CAMKMT: variants seen among roughly 807,000 people sequenced by gnomAD.
CAMKMT encodes the protein calmodulin-lysine N-methyltransferase, also known as CaM KMT.
In CAMKMT, 53 loss-of-function variants were observed where a neutral mutation model predicts 48.0. That is an observed-to-expected ratio of 1.10 (90% CI 0.89 to 1.39). The LOEUF (loss-of-function observed/expected upper bound fraction) is 1.39, where lower values mean the gene tolerates loss of function less well. CAMKMT is among the 40% of genes most tolerant of loss of function. CAMKMT has a pLI of 0.00. For synonymous variants in CAMKMT, 165 were observed against 152.3 expected (o/e 1.08, Z -0.61); for missense variants, 428 against 402.7 (o/e 1.06, Z -0.54).
At chr2:44,710,150 T>C (rs1677803745) in intron 6 of CAMKMT, among the ~76,000 whole-genome samples, 1 of 152,038 alleles carries the variant, frequency 6.6e-6, no homozygotes, top group Admixed American at 6.6e-5. Flanking sequence ...TTTAATTTTA[T>C]ATTATTTCTA....
chr2:44,708,782 C>T (rs1181539881), intron 6 of CAMKMT, among the ~76,000 whole-genome samples: 1 of 152,076 alleles, frequency 6.6e-6, no homozygotes, highest in Non-Finnish European at 1.5e-5. Flanking sequence ...CAAGAGGAAG[C>T]TCAGGTATGC....
At chr2:44,488,113 A>G (rs1669297147) in intron 3 of CAMKMT, among the ~76,000 whole-genome samples, 1 of 152,254 alleles carries the variant, frequency 6.6e-6, no homozygotes, top group Non-Finnish European at 1.5e-5. Flanking sequence ...TCTCATACCA[A>G]TATCAATGAC....
At chr2:44,738,614 G>C (rs190471989) in intron 7 of CAMKMT, among the ~76,000 whole-genome samples, 1 of 152,304 alleles carries the variant, frequency 6.6e-6, no homozygotes, top group Non-Finnish European at 1.5e-5. Context: ...GACTATTCTA[G>C]ACATTGGAAA....
At chr2:44,726,730 C>G (rs1678808217) in intron 7 of CAMKMT, among the ~76,000 whole-genome samples, 1 of 152,148 alleles carries the variant, frequency 6.6e-6, no homozygotes, top group African/African-American at 2.4e-5. Context: ...AGGTTGTCTT[C>G]CAGGATTTTT....
At chr2:44,489,740 A>T (rs1395399440) in intron 3 of CAMKMT, among the ~76,000 whole-genome samples, 1 of 152,240 alleles carries the variant, frequency 6.6e-6, no homozygotes, top group African/African-American at 2.4e-5. Context: ...GTAACATATT[A>T]GAAAAATTGG....
intron 3 of CAMKMT, among the ~76,000 whole-genome samples, chr2:44,578,120 A>G (rs1669337662): frequency 6.6e-6 from 1 of 152,180 alleles, no homozygotes; most frequent in African/African-American, 2.4e-5. Context: ...AAGGGCCCAC[A>G]TGAGAGCTCA....
At chr2:44,404,725 C>T (rs1682661026) in intron 3 of CAMKMT, among the ~76,000 whole-genome samples, 1 of 151,948 alleles carries the variant, frequency 6.6e-6, no homozygotes, top group African/African-American at 2.4e-5. Flanking sequence ...GTGCCTGTCT[C>T]GATATTGTTC....
chr2:44,548,465 C>A (rs931620743), intron 3 of CAMKMT, among the ~76,000 whole-genome samples: 1 of 152,106 alleles, frequency 6.6e-6, no homozygotes, highest in Non-Finnish European at 1.5e-5. Context: ...CTAAAATGGC[C>A]CCCAAGATTC....
intron 3 of CAMKMT, among the ~76,000 whole-genome samples, chr2:44,493,077 A>G (rs1208021798): frequency 6.6e-6 from 1 of 151,780 alleles, no homozygotes. Flanking sequence ...TAATTTTTTT[A>G]GCAGAGACGG....
chr2:44,714,932 AC>A (rs1678090697), intron 6 of CAMKMT, among the ~76,000 whole-genome samples: 1 of 152,186 alleles, frequency 6.6e-6, no homozygotes, highest in African/African-American at 2.4e-5. Flanking sequence ...AGTGGCTCAC[AC>A]CTGTAATCCC....
intron 10 of CAMKMT, among the ~76,000 whole-genome samples, chr2:44,768,361 A>ATATATATT (rs35058824): frequency 2.5e-4 from 29 of 115,728 alleles, no homozygotes; most frequent in African/African-American, 9.6e-4. Flanking sequence ...ATATATATAT[A>ATATATATT]TTTTTTTTTT....
At chr2:44,587,651 T>G (rs1313751776) in intron 3 of CAMKMT, among the ~76,000 whole-genome samples, 5 of 119,270 alleles carry the variant, frequency 4.2e-5, no homozygotes, top group Non-Finnish European at 5.5e-5. Flanking sequence ...GGTTTTCCTT[T>G]TTTTTTTTTG....
At chr2:44,656,706 C>G (rs968507885) in intron 3 of CAMKMT, among the ~76,000 whole-genome samples, 1 of 152,008 alleles carries the variant, frequency 6.6e-6, no homozygotes, top group Admixed American at 6.6e-5. Flanking sequence ...CCCCCCCACC[C>G]CACCTTTTTT....
intron 2 of CAMKMT, among the ~76,000 whole-genome samples, chr2:44,386,733 C>G (rs112219233): frequency 1.3e-5 from 2 of 151,974 alleles, no homozygotes; most frequent in African/African-American, 4.8e-5. Context: ...TCATTCAGTT[C>G]GAAGAATTTT....
chr2:44,395,297 A>G (rs1446845467), intron 3 of CAMKMT, among the ~76,000 whole-genome samples: 2 of 152,180 alleles, frequency 1.3e-5, no homozygotes, highest in South Asian at 2.1e-4. Flanking sequence ...TATATAATGC[A>G]TATATGTAGC....
chr2:44,712,204 A>G (rs554621371), intron 6 of CAMKMT, among the ~76,000 whole-genome samples: 1 of 152,222 alleles, frequency 6.6e-6, no homozygotes, highest in Admixed American at 6.5e-5. Context: ...AATAGGGTTT[A>G]TATTATAATC....
intron 3 of CAMKMT, among the ~76,000 whole-genome samples, chr2:44,402,146 G>A (rs1018667114): frequency 1.3e-5 from 2 of 152,034 alleles, no homozygotes; most frequent in African/African-American, 2.4e-5. Flanking sequence ...GGCCAACATG[G>A]TGAAACCCCG....
chr2:44,772,317 T>C lies in CAMKMT; in HGVS notation c.*204T>C. The stretch of plus-strand genomic sequence containing the variant: ...CTCCCCGCCTCTTTTTACACTCTGC[T>C]TGTTGCTCGTCCTGCCCTAAACCTT... On this transcript the variant is annotated 3_prime_UTR_variant, in exon 11 of 11. Coordinates refer to ENST00000378494, the MANE Select transcript of CAMKMT (RefSeq NM_024766.5). 1 of 512,252 alleles carries C rather than the reference T, an allele frequency of 2.0e-6. No individual in the cohort carries two copies. The highest frequency in any genetic ancestry group is 3.5e-6 in the Non-Finnish European group (1 of 288,926). The allele number at this position is 512,252 out of a possible 1,614,324, so 31.7% of individuals were successfully genotyped here.
intron 3 of CAMKMT, among the ~76,000 whole-genome samples, chr2:44,478,039 T>C (rs1474186435): frequency 1.3e-5 from 2 of 152,214 alleles, no homozygotes; most frequent in African/African-American, 4.8e-5. Flanking sequence ...ACCATAGATT[T>C]AATGTGTAAA....
Sources: gnomAD v4.1 joint callset for allele counts (sites outside exome capture counted in the v4.1 genomes callset) on GRCh38, gnomAD v4.1.1 for gene constraint, MANE v1.5 for transcripts, NCBI Gene and HGNC (gene_info 2026-07-23, HGNC 2026-07-21) for gene names.